The following PPP4R2 variants were observed in gnomAD, a reference collection of about 807,000 sequenced individuals.
PPP4R2 encodes the protein serine/threonine-protein phosphatase 4 regulatory subunit 2.
A neutral mutation model predicts 47.2 loss-of-function variants in PPP4R2; 13 were observed. The observed-to-expected ratio is 0.28, with a 90% CI of 0.18 to 0.44. The LOEUF (loss-of-function observed/expected upper bound fraction) is 0.44, where lower values mean the gene tolerates loss of function less well. Among genes scored for constraint, PPP4R2 ranks in the 20% least tolerant of loss-of-function variants. PPP4R2 has a pLI of 1.00. For missense variants in PPP4R2, 421 were observed against 491.2 expected, an observed-to-expected ratio of 0.86 and a Z score of 1.35; for synonymous variants, 151 against 163.3, an observed-to-expected ratio of 0.92 and a Z score of 0.57.
At chr3:73,053,059 C>T (rs899366166) in intron 3 of PPP4R2, among the ~76,000 whole-genome samples, 7 of 152,194 alleles carry the variant, frequency 4.6e-5, no homozygotes, top group Non-Finnish European at 7.3e-5. Flanking sequence ...GGTCCTTAGC[C>T]GTTTATTACT....
chr3:73,053,361 C>T (rs541726929), intron 3 of PPP4R2, among the ~76,000 whole-genome samples: 1 of 151,516 alleles, frequency 6.6e-6, no homozygotes, highest in African/African-American at 2.4e-5. Flanking sequence ...CCCACCTGGT[C>T]TTGTCTAGTG....
At chr3:72,998,218 A>G (rs1575831451) in intron 2 of PPP4R2, 60 bp downstream of exon 2, 2 of 1,002,670 alleles carry the variant, frequency 2.0e-6, no homozygotes, top group Non-Finnish European at 3.0e-6. Flanking sequence ...ATTGCTCAGG[A>G]AAGGGAAAAA....
intron 2 of PPP4R2, among the ~76,000 whole-genome samples, chr3:73,028,592 C>T (rs897935587): frequency 2.6e-5 from 4 of 152,088 alleles, no homozygotes; most frequent in Admixed American, 2.6e-4. Flanking sequence ...AGATGCGCGC[C>T]ACCATGCCCA....
chr3:73,004,743 G>A (rs1255426645), intron 2 of PPP4R2, among the ~76,000 whole-genome samples: 1 of 152,094 alleles, frequency 6.6e-6, no homozygotes, highest in African/African-American at 2.4e-5. Flanking sequence ...ACCATGCCTG[G>A]CCAGCTGTTA....
rs145795862 is a variant in PPP4R2, at chr3:73,054,206, C to T, written c.288-4831C>T. Among the ~76,000 whole-genome samples, 95 of 152,328 alleles carry T rather than the reference C, an allele frequency of 6.2e-4. 2 individuals are homozygous for T. The East Asian group carries it at 0.017, about 27-fold the overall frequency. ...ATGCTGGGATTACAGGCGTGAGCCG[C>T]CGTGCTCAGCTAATTTCGCCTCTTT... On this transcript the variant is annotated intron_variant, in intron 3 of 8. Transcript: ENST00000356692.
intron 2 of PPP4R2, among the ~76,000 whole-genome samples, chr3:73,026,077 A>G (rs1473529315): frequency 6.6e-6 from 1 of 152,186 alleles, no homozygotes; most frequent in Non-Finnish European, 1.5e-5. Context: ...TAGTCATGCT[A>G]CAATATAAGT....
At chr3:73,052,312 T>G (rs1338076470) in intron 3 of PPP4R2, among the ~76,000 whole-genome samples, 1 of 149,680 alleles carries the variant, frequency 6.7e-6, no homozygotes, top group Non-Finnish European at 1.5e-5. Flanking sequence ...TCATAGAAGA[T>G]GGATTATAAC....
Position 73,042,412 on chromosome 3 carries a change from T to G in PPP4R2, c.117-4774T>G, listed in dbSNP as rs1278161745. On this transcript the variant is annotated intron_variant, in intron 2 of 8. Coordinates refer to ENST00000356692, the MANE Select transcript of PPP4R2 (RefSeq NM_174907.4). ...TGGAGTCTCGCTGTGTCACCCAGGC[T>G]GGAGTGCGGTGCTGCAATCTTGGCT... Among the ~76,000 whole-genome samples the G allele has an allele frequency of 1.5e-4, 21 of 142,800 alleles. No individual in the cohort carries two copies. In the Admixed American group the frequency reaches 1.6e-3, roughly 11 times the overall value. 93.7% of individuals were successfully genotyped at this position (142,800 alleles called of 152,430 possible). A position where few individuals can be genotyped will look rare whatever the true frequency, so the allele number is the denominator to read the frequency against.
At chr3:73,017,428 T>C (rs1701864577) in intron 2 of PPP4R2, among the ~76,000 whole-genome samples, 1 of 152,194 alleles carries the variant, frequency 6.6e-6, no homozygotes, top group South Asian at 2.1e-4. Context: ...CAGTCTTCAG[T>C]GACAGCAGTG....
At chr3:73,004,943 TC>T (rs1701569933) in intron 2 of PPP4R2, among the ~76,000 whole-genome samples, 2 of 80,712 alleles carry the variant, frequency 2.5e-5, no homozygotes, top group African/African-American at 1.2e-4. Context: ...TGAGTCGGAG[TC>T]GTGTGTGTGT....
intron 2 of PPP4R2, among the ~76,000 whole-genome samples, chr3:73,005,486 C>T (rs1701589029): frequency 1.3e-5 from 2 of 151,890 alleles, no homozygotes; most frequent in Non-Finnish European, 2.9e-5. Context: ...GACTATATTG[C>T]TGCATCTTTG....
rs368920165 is a variant in PPP4R2 at position 73,062,388 on chromosome 3, A to G, written c.420-1285A>G. 9 of 1,607,452 alleles carry G rather than the reference A, an allele frequency of 5.6e-6. No homozygotes were observed. In the South Asian group the frequency reaches 6.7e-5, roughly 12 times the overall value. ...ACCCAGCATTGGGGATATTAAGGAC[A>G]TTAAAAAAGCAGCCAAGTCTATGCT... On this transcript the variant is annotated intron_variant, in intron 5 of 8. Coordinates refer to ENST00000356692, the MANE Select transcript of PPP4R2 (RefSeq NM_174907.4).
intron 2 of PPP4R2, among the ~76,000 whole-genome samples, chr3:73,040,499 ATTTTT>A (rs11342756): frequency 1.7e-5 from 2 of 117,570 alleles, no homozygotes; most frequent in South Asian, 2.8e-4. Flanking sequence ...ATGTGACCTA[ATTTTT>A]TTTTTTTTTT....
chr3:73,065,884 C>T lies in PPP4R2; in HGVS notation c.*162C>T, dbSNP rs1702984911. ...CCTGAAAGAGTTGTACATGTAAGAA[C>T]TGTGAATATCAGCTCCTCTGGGTCC... On this transcript the variant is annotated 3_prime_UTR_variant, in exon 9 of 9. Coordinates refer to ENST00000356692, the MANE Select transcript of PPP4R2 (RefSeq NM_174907.4). 2.1e-6 allele frequency: 1 copy of T among 475,022 alleles called. No homozygotes were observed. Among genetic ancestry groups the T allele is most frequent in the East Asian group, 3.2e-5 (1 of 31,362 alleles). 29.4% of individuals were successfully genotyped at this position (475,022 alleles called of 1,614,324 possible). A position where few individuals can be genotyped will look rare whatever the true frequency, so the allele number is the denominator to read the frequency against.
intron 1 of PPP4R2, among the ~76,000 whole-genome samples, 185 bp from the exon 2 acceptor site, chr3:72,997,892 C>A (rs1415395482): frequency 6.6e-6 from 1 of 152,076 alleles, no homozygotes; most frequent in African/African-American, 2.4e-5. Context: ...TTCTTGTTAT[C>A]TGTAAAGAGG....
intron 3 of PPP4R2, among the ~76,000 whole-genome samples, chr3:73,048,475 C>G (rs1205624668): frequency 6.6e-6 from 1 of 152,012 alleles, no homozygotes; most frequent in African/African-American, 2.4e-5. Flanking sequence ...AGGCTGGTCT[C>G]CAACTCCTGA....
chr3:73,033,048 A>G (rs1702199207), intron 2 of PPP4R2, among the ~76,000 whole-genome samples: 1 of 152,174 alleles, frequency 6.6e-6, no homozygotes, highest in East Asian at 1.9e-4. Context: ...CATTTTTATC[A>G]TCCTGTAATT....
intron 3 of PPP4R2, among the ~76,000 whole-genome samples, chr3:73,058,700 C>T (rs1702778771): frequency 1.3e-5 from 2 of 151,804 alleles, no homozygotes; most frequent in East Asian, 1.9e-4. Flanking sequence ...TTAAAATGTA[C>T]GATAAATTAT....
At chr3:73,029,927 A>G (rs895767083) in intron 2 of PPP4R2, among the ~76,000 whole-genome samples, 6 of 152,198 alleles carry the variant, frequency 3.9e-5, no homozygotes, top group South Asian at 4.1e-4. Flanking sequence ...GGATTTAGCA[A>G]TTGGAGTTCG....
Sources: allele counts gnomAD v4.1 joint callset (sites outside exome capture counted in the v4.1 genomes callset), GRCh38; gene constraint gnomAD v4.1.1; transcripts MANE v1.5; gene names NCBI Gene and HGNC (gene_info 2026-07-23, HGNC 2026-07-21).